The following KHDC1 variants were observed in gnomAD, a reference collection of about 807,000 sequenced individuals.
KHDC1 encodes the protein KH domain containing 1, also known as KH homology domain-containing protein 1.
In KHDC1, 21 loss-of-function variants were observed where a neutral mutation model predicts 24.7. The ratio of observed to expected loss-of-function variants is 0.85; its 90% CI spans 0.60 to 1.23. The LOEUF (loss-of-function observed/expected upper bound fraction) is 1.23, where lower values mean the gene tolerates loss of function less well. Ranked by LOEUF, KHDC1 falls within the 50% of genes most tolerant of loss-of-function variation. KHDC1 has a pLI of 0.00. For synonymous variants in KHDC1, 98 were observed against 111.7 expected, an observed-to-expected ratio of 0.88 and a Z score of 0.77; for missense variants, 274 against 298.5, an observed-to-expected ratio of 0.92 and a Z score of 0.61.
At chr6:73,271,208 T>C (rs1767173225) in intron 2 of KHDC1, among the ~76,000 whole-genome samples, 1 of 150,720 alleles carries the variant, frequency 6.6e-6, no homozygotes, top group African/African-American at 2.4e-5. Flanking sequence ...TGGTTTTTTT[T>C]TGTTGTTGTT....
chr6:73,260,103 C>T (rs1766953686), intron 2 of KHDC1, among the ~76,000 whole-genome samples: 1 of 152,188 alleles, frequency 6.6e-6, no homozygotes, highest in South Asian at 2.1e-4. Flanking sequence ...TCCTTTCCAG[C>T]TTTCCTCATT....
chr6:73,254,774 G>A (rs1766850291), intron 2 of KHDC1, among the ~76,000 whole-genome samples: 1 of 152,056 alleles, frequency 6.6e-6, no homozygotes, highest in South Asian at 2.1e-4. Context: ...AGGCCGAGGT[G>A]GGCGGATCAC....
At chr6:73,248,335 C>A (rs1766710296) in intron 2 of KHDC1, among the ~76,000 whole-genome samples, 1 of 152,004 alleles carries the variant, frequency 6.6e-6, no homozygotes, top group South Asian at 2.1e-4. Context: ...CTGTCTTCTA[C>A]TTTAATCCGA....
chr6:73,246,312 A>C (rs1404678533), intron 2 of KHDC1, among the ~76,000 whole-genome samples: 1 of 152,228 alleles, frequency 6.6e-6, no homozygotes, highest in Middle Eastern at 3.2e-3. Context: ...AAGGTCATAC[A>C]CTAACAGTAA....
intron 2 of KHDC1, among the ~76,000 whole-genome samples, chr6:73,255,520 C>CTTT (rs753024090): frequency 7.6e-6 from 1 of 131,772 alleles, no homozygotes; most frequent in Non-Finnish European, 1.6e-5. Flanking sequence ...CCACACCTGG[C>CTTT]TTTTTTTTTT....
intron 2 of KHDC1, among the ~76,000 whole-genome samples, chr6:73,258,735 T>C (rs974296446): frequency 4.6e-5 from 7 of 152,240 alleles, no homozygotes; most frequent in African/African-American, 1.7e-4. Flanking sequence ...AAAAGGTATC[T>C]ATCTCTCAGC....
chr6:73,287,362 T>C (rs1341151232), intron 2 of KHDC1, among the ~76,000 whole-genome samples: 1 of 152,194 alleles, frequency 6.6e-6, no homozygotes, highest in Non-Finnish European at 1.5e-5. Flanking sequence ...CAAGTCAGCT[T>C]CACAGAGGGA....
intron 2 of KHDC1, among the ~76,000 whole-genome samples, chr6:73,259,964 G>T (rs138927850): frequency 1.3e-5 from 2 of 152,084 alleles, no homozygotes; most frequent in African/African-American, 4.8e-5. Flanking sequence ...CTGTCCAGGG[G>T]GTAGGGCACA....
At chr6:73,266,001 C>T (rs1052340597) in intron 2 of KHDC1, among the ~76,000 whole-genome samples, 1 of 152,030 alleles carries the variant, frequency 6.6e-6, no homozygotes, top group Non-Finnish European at 1.5e-5. Context: ...CTAACACTCA[C>T]CCAACCTAAG....
chr6:73,273,672 C>T (rs866909597), intron 2 of KHDC1, among the ~76,000 whole-genome samples: 3 of 151,582 alleles, frequency 2.0e-5, no homozygotes, highest in South Asian at 4.2e-4. Flanking sequence ...AAAAATTAGC[C>T]GGGCGTGGTG....
intron 2 of KHDC1, among the ~76,000 whole-genome samples, chr6:73,282,202 A>T (rs1159275101): frequency 1.4e-5 from 2 of 143,338 alleles, no homozygotes; most frequent in Non-Finnish European, 3.0e-5. Flanking sequence ...CAAGTGACAG[A>T]GTGAGACTCT....
At chr6:73,290,581 GC>G (rs773516140) in intron 2 of KHDC1, 18 of 510,488 alleles carry the variant, frequency 3.5e-5, no homozygotes, top group Non-Finnish European at 6.6e-5. Context: ...ACTGGGAGAA[GC>G]TTCTGCTGGC....
rs539913733 is a variant in KHDC1 at position 73,282,149 on chromosome 6, C to G, written c.206+9849G>C. On this transcript the variant is annotated intron_variant, in intron 2 of 4. Coordinates refer to ENST00000370384, the Ensembl canonical transcript of KHDC1. ...ATGAGAATTGCTTGTACTCGGAAGG[C>G]GAAGGTTGTAGTGAGCCAAGATTAC... Among the ~76,000 whole-genome samples the G allele has an allele frequency of 9.1e-5, 13 of 143,370 alleles. No individual in the cohort carries two copies. The South Asian group carries it at 2.6e-3, about 29-fold the overall frequency. 94.1% of individuals were successfully genotyped at this position (143,370 alleles called of 152,430 possible). A position where few individuals can be genotyped will look rare whatever the true frequency, so the allele number is the denominator to read the frequency against.
At chr6:73,298,650 C>T (rs530202960) in intron 1 of KHDC1, among the ~76,000 whole-genome samples, 10 of 151,662 alleles carry the variant, frequency 6.6e-5, no homozygotes, top group Non-Finnish European at 1.2e-4. Context: ...CCGTCAGGGT[C>T]AGGATCACCT....
intron 2 of KHDC1, among the ~76,000 whole-genome samples, chr6:73,251,075 C>T (rs965015264): frequency 3.9e-5 from 6 of 152,138 alleles, no homozygotes; most frequent in Non-Finnish European, 7.3e-5. Flanking sequence ...GATCTGCCCG[C>T]CTCGGCCTCC....
At chr6:73,279,950 T>C (rs1205375579) in intron 2 of KHDC1, among the ~76,000 whole-genome samples, 1 of 152,126 alleles carries the variant, frequency 6.6e-6, no homozygotes, top group Non-Finnish European at 1.5e-5. Context: ...TTGTATGTGA[T>C]CATCATTGTT....
chr6:73,241,582 G>T, exon 5 of KHDC1: 1 of 1,614,158 alleles, frequency 6.2e-7, no homozygotes, highest in Non-Finnish European at 8.5e-7. Flanking sequence ...ACTTGGTAAG[G>T]GGAAGGCTGA....
chr6:73,297,596 G>A (rs780572656), intron 1 of KHDC1, among the ~76,000 whole-genome samples: 5 of 152,068 alleles, frequency 3.3e-5, no homozygotes, highest in Non-Finnish European at 7.4e-5. Flanking sequence ...TCTTCCCATT[G>A]AGGTTGAACC....
chr6:73,307,922 CAG>C (rs747896593), intron 1 of KHDC1, among the ~76,000 whole-genome samples: 1 of 152,082 alleles, frequency 6.6e-6, no homozygotes, highest in African/African-American at 2.4e-5. Flanking sequence ...GTTTTTGAGA[CAG>C]AGTCTCGCTC....
Sources: gnomAD v4.1 joint callset for allele counts (sites outside exome capture counted in the v4.1 genomes callset) on GRCh38, gnomAD v4.1.1 for gene constraint, MANE v1.5 for transcripts, NCBI Gene and HGNC (gene_info 2026-07-23, HGNC 2026-07-21) for gene names.